Variants in CRHR2 observed in about 807,000 individuals in gnomAD.
CRHR2 encodes corticotropin releasing hormone receptor 2.
In CRHR2, 53 loss-of-function variants were observed where a neutral mutation model predicts 57.9. The observed-to-expected ratio is 0.92, with a 90% confidence interval of 0.73 to 1.15. The LOEUF (loss-of-function observed/expected upper bound fraction) is 1.15. Ranked by LOEUF, CRHR2 falls within the 50% of genes most tolerant of loss-of-function variation. The probability of loss-of-function intolerance (pLI) is 0.00; values close to 1 mark genes in which losing one functional copy is unlikely to be tolerated. For missense variants in CRHR2, 532 were observed against 542.6 expected (o/e 0.98, Z 0.19); for synonymous variants, 213 against 220.9 (o/e 0.96, Z 0.32).
upstream of CRHR2, among the ~76,000 whole-genome samples, chr7:30,683,939 G>A (rs986769289): frequency 1.3e-5 from 2 of 152,180 alleles, no homozygotes; most frequent in South Asian, 2.1e-4. Flanking sequence ...TGTGTGCTCC[G>A]CTCTCACCAG....
At position 30,653,981 on chromosome 7, in the gene CRHR2, G is replaced by A. The variant is rs541707835; in HGVS notation, c.1096-381C>T. Among the ~76,000 whole-genome samples, 11 of 151,974 alleles carry A rather than the reference G, an allele frequency of 7.2e-5. No homozygotes were observed. The highest frequency in any genetic ancestry group is 1.2e-4 in the Non-Finnish European group (8 of 67,980). ...GGCCCCTGCTCCTTGCAGGGCGTTG[G>A]TGGTGTGCGCCCAGCTCACACACCT... On this transcript the variant is annotated intron_variant, in intron 11 of 11. Coordinates refer to ENST00000471646, the MANE Select transcript of CRHR2 (RefSeq NM_001883.5). The surrounding 1 kb of genome is among the most constrained non-coding windows in gnomAD (Gnocchi z 5.0).
chr7:30,689,125 C>T (rs1784909412), intron 2 of CRHR2: 1 of 1,417,206 alleles, frequency 7.1e-7, no homozygotes, highest in African/African-American at 1.4e-5. Flanking sequence ...AGGAAAGCCT[C>T]TTCCTCCCGC....
In CRHR2 at chr7:30,654,988, G is replaced by T. The variant is rs756589380; in HGVS notation, c.1095+51C>A. 1.4e-5 allele frequency: 22 copies of T among 1,599,958 alleles called. No homozygotes were observed. The South Asian group carries it at 2.5e-4, about 18-fold the overall frequency. The stretch of plus-strand genomic sequence containing the variant: ...GCACCAATGGAGCTGCCCTGGAGTG[G>T]GGTCTGAGGACCTGGATATCCCAGG... On this transcript the variant is annotated intron_variant, in intron 11 of 11. Coordinates refer to ENST00000471646, the MANE Select transcript of CRHR2 (RefSeq NM_001883.5).
Position 30,665,380 on chromosome 7 carries a change from C to T in CRHR2, c.425+150G>A, listed in dbSNP as rs1041233571. Reference sequence around the variant, plus strand: ...GCACCCCACATGCCTGCTGGTGATTCATGCCCTGGCACCCCACCCAAACCC... The same window carrying T: ...GCACCCCACATGCCTGCTGGTGATTTATGCCCTGGCACCCCACCCAAACCC... On this transcript the variant is annotated intron_variant, in intron 4 of 11. Coordinates refer to ENST00000471646, the MANE Select transcript of CRHR2 (RefSeq NM_001883.5). The surrounding 1 kb of genome is among the most constrained non-coding windows in gnomAD (Gnocchi z 4.5). 2 of 823,122 alleles carry T rather than the reference C, an allele frequency of 2.4e-6. No individual in the cohort carries two copies. Among genetic ancestry groups the T allele is most frequent in the Admixed American group, 4.7e-5 (2 of 42,998 alleles). The allele number at this position is 823,122 out of a possible 1,614,324, so 51.0% of individuals were successfully genotyped here.
In CRHR2 at chr7:30,665,309, C is replaced by T. The variant is rs1293410858; in HGVS notation, c.426-122G>A. The T allele has an allele frequency of 4.4e-6, 4 of 908,614 alleles. No individual in the cohort carries two copies. The highest frequency in any genetic ancestry group is 5.2e-5 in the East Asian group (2 of 38,370). 56.3% of individuals were successfully genotyped at this position (908,614 alleles called of 1,614,324 possible). The stretch of plus-strand genomic sequence containing the variant: ...CAGGGCTGCACTAGGAGCCACTTCC[C>T]ACCCATGGTGGCCACAGTTGGGCCT... On this transcript the variant is annotated intron_variant, in intron 4 of 11. Transcript: ENST00000471646. This position sits in a 1 kb window ranked among gnomAD's most constrained non-coding sequence, Gnocchi z 4.5.
chr7:30,695,575 C>A (rs962216595), intron 1 of CRHR2, among the ~76,000 whole-genome samples: 1 of 152,072 alleles, frequency 6.6e-6, no homozygotes, highest in East Asian at 1.9e-4. Flanking sequence ...GGTGACTTGG[C>A]CCAACATAGG....
chr7:30,666,854 T>C (rs1248078150), intron 3 of CRHR2, among the ~76,000 whole-genome samples: 1 of 152,118 alleles, frequency 6.6e-6, no homozygotes, highest in Non-Finnish European at 1.5e-5. Context: ...TTTGTTTCCA[T>C]GTGGAGTCAC....
chr7:30,691,079 C>G lies in CRHR2; in HGVS notation c.-260-1795G>C, dbSNP rs543430627. The stretch of plus-strand genomic sequence containing the variant: ...CCTTGCTGACCCCGTGAGCCACTGC[C>G]AGGGGTTGGGGGGCTGGGGAGGGGA... On this transcript the variant is annotated intron_variant, in intron 1 of 13. Transcript: ENST00000341843. Among the ~76,000 whole-genome samples the G allele has an allele frequency of 4.6e-5, 7 of 151,916 alleles. No homozygotes were observed. In the East Asian group the frequency reaches 1.2e-3, roughly 25 times the overall value.
intron 2 of CRHR2, among the ~76,000 whole-genome samples, chr7:30,671,837 GATGATA>G (rs1390212091): frequency 6.1e-5 from 9 of 147,236 alleles, no homozygotes; most frequent in East Asian, 4.0e-4. Flanking sequence ...TGATGATGAT[GATGATA>G]ATGATGATGA....
upstream of CRHR2, among the ~76,000 whole-genome samples, chr7:30,684,500 A>G (rs1170349151): frequency 6.6e-6 from 1 of 152,224 alleles, no homozygotes; most frequent in Admixed American, 6.5e-5. Flanking sequence ...TTCTCATCTC[A>G]TGCAGATTTC....
chr7:30,672,543 G>T (rs940677714), intron 2 of CRHR2, among the ~76,000 whole-genome samples: 7 of 152,192 alleles, frequency 4.6e-5, no homozygotes, highest in African/African-American at 1.7e-4. Context: ...AGGACAGTCT[G>T]CCACCTTGTA....
Position 30,660,606 on chromosome 7 carries a change from G to A in CRHR2, c.798C>T (p.Tyr266=), listed in dbSNP as rs545617070. 2.5e-6 allele frequency: 4 copies of A among 1,572,616 alleles called. No homozygotes were observed. Among genetic ancestry groups the A allele is most frequent in the South Asian group, 1.2e-5 (1 of 85,460 alleles). The change falls in exon 8 of 12, where the codon TAC becomes TAT. Residue 266 remains tyrosine, a synonymous_variant. Coordinates refer to ENST00000471646, the MANE Select transcript of CRHR2 (RefSeq NM_001883.5). The part of the protein sequence containing the change: ...FGKEPGDLVD[Y]IYQGPIILVL... ...CGAGAATGATGGGGCCTTGGTAGAT[G>A]TAGTCCACCAGGTCGCCAGGCTCCT...
rs1783709311 is a variant in CRHR2, at chr7:30,654,669, TC to T, written c.1095+369del. On this transcript the variant is annotated intron_variant, in intron 11 of 11. Coordinates refer to ENST00000471646, the MANE Select transcript of CRHR2 (RefSeq NM_001883.5). ...CAGGTAGCGGGGGAATGTGCTGGTC[TC>T]TCTTCTGCTCCCTGAGTCCATACAG... 3.9e-6 allele frequency: 6 copies of T among 1,534,682 alleles called. No individual in the cohort carries two copies. The African/African-American group carries it at 8.2e-5, about 21-fold the overall frequency.
intron 11 of CRHR2, chr7:30,654,710 C>T (rs916525972): frequency 6.5e-7 from 1 of 1,536,184 alleles, no homozygotes. Flanking sequence ...GATTGCTTGG[C>T]ACACATCTCT....
chr7:30,665,208 G>C lies in CRHR2; in HGVS notation c.426-21C>G. 6.2e-7 allele frequency: 1 copy of C among 1,604,182 alleles called. No individual in the cohort carries two copies. The highest frequency in any genetic ancestry group is 8.5e-7 in the Non-Finnish European group (1 of 1,171,164). ...TGCTCCTGTGGGAGGTGCAGGTCAG[G>C]GGTCAGCCAGGTTCAGGGGTCAACT... On this transcript the variant is annotated intron_variant, in intron 4 of 11. Coordinates refer to ENST00000471646, the MANE Select transcript of CRHR2 (RefSeq NM_001883.5). This position sits in a 1 kb window ranked among gnomAD's most constrained non-coding sequence, Gnocchi z 4.5.
chr7:30,666,148 CTGAGGG>C (rs1784177732), intron 3 of CRHR2, among the ~76,000 whole-genome samples: 1 of 152,084 alleles, frequency 6.6e-6, no homozygotes, highest in South Asian at 2.1e-4. Flanking sequence ...GGCTGAGTGA[CTGAGGG>C]TGAGTCGATT....
At chr7:30,697,612 CA>C (rs1264065697) in intron 1 of CRHR2, among the ~76,000 whole-genome samples, 1 of 152,124 alleles carries the variant, frequency 6.6e-6, no homozygotes, top group East Asian at 1.9e-4. Flanking sequence ...CCTCTTCACT[CA>C]AAAGCACCAG....
intron 2 of CRHR2, among the ~76,000 whole-genome samples, chr7:30,668,426 G>C (rs1035748403): frequency 2.0e-5 from 3 of 152,038 alleles, no homozygotes; most frequent in Admixed American, 2.0e-4. Flanking sequence ...TTTGTACCAG[G>C]GTTCAGCTCT....
intron 1 of CRHR2, among the ~76,000 whole-genome samples, chr7:30,692,077 C>A (rs1784971663): frequency 6.6e-6 from 1 of 152,246 alleles, no homozygotes; most frequent in Admixed American, 6.5e-5. Flanking sequence ...GAGCCTTGAT[C>A]TCCTCATCTT....
Sources: gnomAD v4.1 joint callset for allele counts (sites outside exome capture counted in the v4.1 genomes callset) on GRCh38, gnomAD v4.1.1 for gene constraint, Gnocchi (gnomAD v3.1) non-coding constraint, MANE v1.5 for transcripts, NCBI Gene and HGNC (gene_info 2026-07-23, HGNC 2026-07-21) for gene names.